YWHAZ: variants seen among roughly 807,000 people sequenced by gnomAD.
The protein encoded by YWHAZ is 14-3-3 protein zeta/delta.
For synonymous variants in YWHAZ, 87 were observed against 103.6 expected (o/e 0.84, Z 0.97); for missense variants, 79 against 284.8 (o/e 0.28, Z 5.20).
At chr8:100,947,389 C>A (rs146098903) in intron 2 of YWHAZ, among the ~76,000 whole-genome samples, 22 of 152,150 alleles carry the variant, frequency 1.4e-4, no homozygotes, top group Admixed American at 8.5e-4. Context: ...TAGTAGCTAT[C>A]ATTCTAAAGG....
Position 100,916,977 on chromosome 8 carries a change from A to G in YWHAZ, c.*3716T>C, listed in dbSNP as rs1288821919. On this transcript the variant is annotated 3_prime_UTR_variant, in exon 6 of 6. Transcript: ENST00000395958. ...TATTGTACATATTTTCAGTTCTACCATAGTATTTCCTATATGGTAAATGAG... is the reference window on the plus strand; with the variant it reads ...TATTGTACATATTTTCAGTTCTACCGTAGTATTTCCTATATGGTAAATGAG... 1 of 152,250 alleles carries G rather than the reference A, an allele frequency of 6.6e-6. No individual in the cohort carries two copies. Among genetic ancestry groups the G allele is most frequent in the Non-Finnish European group, 1.5e-5 (1 of 68,048 alleles). The allele number at this position is 152,250 out of a possible 1,614,324, so 9.4% of individuals were successfully genotyped here. A position where few individuals can be genotyped will look rare whatever the true frequency, so the allele number is the denominator to read the frequency against.
chr8:100,935,612 C>T (rs1040741056), intron 2 of YWHAZ, among the ~76,000 whole-genome samples: 4 of 152,192 alleles, frequency 2.6e-5, no homozygotes, highest in Admixed American at 1.3e-4. Flanking sequence ...CTAAGCACCT[C>T]CTAATATGGA....
intron 2 of YWHAZ, among the ~76,000 whole-genome samples, chr8:100,939,788 G>A (rs1043021139): frequency 5.9e-5 from 9 of 152,170 alleles, no homozygotes; most frequent in East Asian, 1.9e-4. Flanking sequence ...TTGGGAGGCC[G>A]AGGCAGGCGG....
At chr8:100,951,683 A>T in intron 1 of YWHAZ, 1 of 984,708 alleles carries the variant, frequency 1.0e-6, no homozygotes, top group Non-Finnish European at 1.2e-6. Context: ...AGGACGGGGG[A>T]GCGAGCACCG....
intron 2 of YWHAZ, among the ~76,000 whole-genome samples, chr8:100,928,860 G>A (rs1393139951): frequency 2.6e-5 from 4 of 152,102 alleles, no homozygotes; most frequent in African/African-American, 9.7e-5. Context: ...TCAGGATAAT[G>A]GAAAGAACAG....
At chr8:100,930,990 G>A (rs1813720233) in intron 2 of YWHAZ, among the ~76,000 whole-genome samples, 1 of 152,148 alleles carries the variant, frequency 6.6e-6, no homozygotes, top group African/African-American at 2.4e-5. Context: ...TATGTGATAT[G>A]GGCTCTGAAG....
chr8:100,925,660 T>C (rs1813311217), intron 2 of YWHAZ, among the ~76,000 whole-genome samples: 1 of 152,198 alleles, frequency 6.6e-6, no homozygotes, highest in Non-Finnish European at 1.5e-5. Context: ...CTCATTGAAG[T>C]CATTTTCGGC....
At chr8:100,937,704 T>A (rs185731993) in intron 2 of YWHAZ, among the ~76,000 whole-genome samples, 2 of 152,174 alleles carry the variant, frequency 1.3e-5, no homozygotes, top group East Asian at 3.8e-4. Context: ...AGAGAGACAT[T>A]AGGACACAGA....
chr8:100,921,761 T>C (rs1313170812), intron 5 of YWHAZ, among the ~76,000 whole-genome samples: 1 of 152,138 alleles, frequency 6.6e-6, no homozygotes, highest in Non-Finnish European at 1.5e-5. Context: ...AAAATGAAAG[T>C]TGTCCCATAG....
intron 1 of YWHAZ, chr8:100,950,338 G>C (rs1810617400): frequency 4.1e-6 from 4 of 978,306 alleles, no homozygotes; most frequent in African/African-American, 1.8e-5. Context: ...TTCTCACACA[G>C]TAACGAGTGC....
At chr8:100,940,061 T>TTAA (rs1563683171) in intron 2 of YWHAZ, among the ~76,000 whole-genome samples, 1 of 35,998 alleles carries the variant, frequency 2.8e-5, no homozygotes, top group Non-Finnish European at 6.5e-5. Context: ...AGACTCCGTC[T>TTAA]CAAAAAAAAA....
chr8:100,953,240 G>T (rs1302462403), upstream of YWHAZ: 5 of 985,412 alleles, frequency 5.1e-6, no homozygotes, highest in African/African-American at 5.2e-5. Context: ...TTCACGTGAA[G>T]ACCTCATACT....
intron 1 of YWHAZ, 83 bp downstream of exon 1, chr8:100,951,846 G>A (rs914103404): frequency 4.9e-5 from 48 of 986,742 alleles, no homozygotes; most frequent in Admixed American, 1.8e-4. Context: ...GGGGATGAGG[G>A]GACGGAGCGA....
rs868570844 is a variant in YWHAZ at position 100,948,091 on chromosome 8, T to C, written c.294+505A>G. The C allele has an allele frequency of 3.9e-6, 6 of 1,534,474 alleles. No individual in the cohort carries two copies. In the African/African-American group the frequency reaches 5.5e-5, roughly 14 times the overall value. On this transcript the variant is annotated intron_variant, in intron 2 of 5. Coordinates refer to ENST00000395958, the MANE Select transcript of YWHAZ (RefSeq NM_145690.3). The surrounding 1 kb of genome is among the most constrained non-coding windows in gnomAD (Gnocchi z 4.2). ...TCAAAATTTACCTTCAAGAATTCAA[T>C]GCAGGAAGAGGTTTCATAGTTGTGA... is the stretch of plus-strand genomic sequence containing the variant.
chr8:100,952,734 AG>A, upstream of YWHAZ: 1 of 960,398 alleles, frequency 1.0e-6, no homozygotes, highest in Non-Finnish European at 1.3e-6. Context: ...TCGCACGGCA[AG>A]GGAGGGTTGT....
upstream of YWHAZ, chr8:100,953,102 G>A (rs41336048): frequency 2.9e-3 from 2,908 of 989,954 alleles, 6 homozygotes; most frequent in Non-Finnish European, 3.4e-3. Context: ...AGTTCCGAGG[G>A]GAAAGGACAG....
chr8:100,950,594 G>C, intron 1 of YWHAZ: 9 of 985,680 alleles, frequency 9.1e-6, no homozygotes, highest in Non-Finnish European at 1.1e-5. Context: ...CTACTGCAGA[G>C]TGTTAATTCC....
At chr8:100,950,668 G>GA (rs1491188727) in intron 1 of YWHAZ, 1 of 854,666 alleles carries the variant, frequency 1.2e-6, no homozygotes, top group South Asian at 5.5e-5. Flanking sequence ...GGGGGGGGGG[G>GA]AGAGATGGGG....
intron 5 of YWHAZ, among the ~76,000 whole-genome samples, chr8:100,920,958 C>T (rs1290987012): frequency 6.6e-6 from 1 of 152,132 alleles, no homozygotes; most frequent in Non-Finnish European, 1.5e-5. Context: ...GTTAAGTACA[C>T]CACAGAGTTG....
Sources: gnomAD v4.1 joint callset for allele counts (sites outside exome capture counted in the v4.1 genomes callset) on GRCh38, gnomAD v4.1.1 for gene constraint, Gnocchi (gnomAD v3.1) non-coding constraint, MANE v1.5 for transcripts, NCBI Gene and HGNC (gene_info 2026-07-23, HGNC 2026-07-21) for gene names.